HPS1: variants seen among roughly 807,000 people sequenced by gnomAD.
The protein encoded by HPS1 is HPS1 biogenesis of lysosomal organelles complex 3 subunit 1.
In HPS1, 59 loss-of-function variants were observed where a neutral mutation model predicts 90.6. The ratio of observed to expected loss-of-function variants is 0.65; its 90% CI spans 0.53 to 0.81. The LOEUF is 0.81. HPS1 is among the 30% of genes least tolerant of loss of function. The pLI, the probability that HPS1 is intolerant of heterozygous loss-of-function variation, is 0.00. For missense variants in HPS1, 849 were observed against 896.7 expected (o/e 0.95, Z 0.68); for synonymous variants, 388 against 384.4 (o/e 1.01, Z -0.11).
chr10:98,440,207 A>G (rs1938167856), intron 3 of HPS1, among the ~76,000 whole-genome samples: 2 of 152,242 alleles, frequency 1.3e-5, no homozygotes, highest in Non-Finnish European at 2.9e-5. Context: ...GAGCATACTC[A>G]TATATTACTT....
chr10:98,443,359 G>T, intron 2 of HPS1, 119 bp from the exon 3 acceptor site: 1 of 796,306 alleles, frequency 1.3e-6, no homozygotes, highest in East Asian at 2.4e-5. Context: ...CTGCACACCA[G>T]GCATCACAAG....
At chr10:98,438,786 A>C (rs1342323416) in intron 3 of HPS1, among the ~76,000 whole-genome samples, 1 of 152,228 alleles carries the variant, frequency 6.6e-6, no homozygotes, top group Non-Finnish European at 1.5e-5. Context: ...CCAAACGTTA[A>C]TCACCAAGAC....
In HPS1 at chr10:98,424,511, C is replaced by A. The variant is rs995966475; in HGVS notation, c.1336-137G>T. 2.8e-5 allele frequency: 21 copies of A among 743,034 alleles called. No homozygotes were observed. In the South Asian group the frequency reaches 3.1e-4, roughly 11 times the overall value. 46.0% of individuals were successfully genotyped at this position (743,034 alleles called of 1,614,324 possible). A position where few individuals can be genotyped will look rare whatever the true frequency, so the allele number is the denominator to read the frequency against. On this transcript the variant is annotated intron_variant, in intron 13 of 19. Coordinates refer to ENST00000361490, the MANE Select transcript of HPS1 (RefSeq NM_000195.5). Reference sequence around the variant, plus strand: ...CTGCCCTTCTGGCCAATGCAGGCTACCCTGGCAGGCCCCACCAGCCCCCTG... The same window carrying A: ...CTGCCCTTCTGGCCAATGCAGGCTAACCTGGCAGGCCCCACCAGCCCCCTG...
At chr10:98,424,252 C>T in intron 14 of HPS1, 61 bp downstream of exon 14, 3 of 1,241,230 alleles carry the variant, frequency 2.4e-6, no homozygotes, top group East Asian at 2.3e-5. Context: ...GAGATGTGGC[C>T]TCCCAGGGAA....
At chr10:98,421,601 A>C (rs555171916) in intron 17 of HPS1, among the ~76,000 whole-genome samples, 1 of 152,298 alleles carries the variant, frequency 6.6e-6, no homozygotes, top group East Asian at 1.9e-4. Context: ...AAACCAACAG[A>C]AAGAAACGTA....
At chr10:98,414,806 G>A (rs1843934532), downstream of HPS1, 2 of 679,690 alleles carry the variant, frequency 2.9e-6, no homozygotes, top group South Asian at 2.5e-5. Context: ...CCACACAGCA[G>A]AGCCAGCACC....
At position 98,430,701 on chromosome 10, in the gene HPS1, G is replaced by A. The variant is rs1479539716; in HGVS notation, c.669-31C>T. 9.2e-6 allele frequency: 14 copies of A among 1,527,966 alleles called. No individual in the cohort carries two copies. The East Asian group carries it at 3.4e-4, about 37-fold the overall frequency. The allele number at this position is 1,527,966 out of a possible 1,614,324, so 94.7% of individuals were successfully genotyped here. ...GACACAGGAGCATGGCCACCCATCA[G>A]CACATGCCCAGCAGGAGACGGGGCA... is the stretch of plus-strand genomic sequence containing the variant. On this transcript the variant is annotated intron_variant, in intron 7 of 19. Transcript: ENST00000361490.
chr10:98,427,375 T>C lies in HPS1; in HGVS notation c.938-111A>G, dbSNP rs74154468. On this transcript the variant is annotated intron_variant, in intron 10 of 19. Transcript: ENST00000361490. ...GCCCCCCACAACCTCAGCCCTTGGC[T>C]GCCAGCTCCACGCAGGGGTGCTAAT... 19,810 of 886,430 alleles carry C rather than the reference T, an allele frequency of 0.022. 842 individuals are homozygous for C. Among genetic ancestry groups the C allele is most frequent in the African/African-American group, 0.12 (7,209 of 60,188 alleles). 54.9% of individuals were successfully genotyped at this position (886,430 alleles called of 1,614,324 possible). A position where few individuals can be genotyped will look rare whatever the true frequency, so the allele number is the denominator to read the frequency against.
intron 1 of HPS1, 68 bp downstream of exon 1, chr10:98,446,739 C>G (rs1939670208): frequency 6.6e-6 from 1 of 152,460 alleles, no homozygotes; most frequent in Non-Finnish European, 1.5e-5. Context: ...AGCGACCGGC[C>G]CACGGCCACA....
chr10:98,443,356 C>T (rs1591162264), intron 2 of HPS1, 116 bp from the exon 3 acceptor site: 1 of 807,646 alleles, frequency 1.2e-6, no homozygotes, highest in East Asian at 2.4e-5. Context: ...CTTCTGCACA[C>T]CAGGCATCAC....
chr10:98,420,322 T>C (rs2136104875), intron 17 of HPS1, 164 bp from the exon 18 acceptor site: 2 of 664,014 alleles, frequency 3.0e-6, no homozygotes, highest in African/African-American at 1.8e-5. Context: ...GGCTCAACAA[T>C]AAATCATTAT....
In HPS1 at chr10:98,427,241, C is replaced by T. The variant is rs551074257; in HGVS notation, c.961G>A (p.Gly321Ser). 12 of 1,551,440 alleles carry T rather than the reference C, an allele frequency of 7.7e-6. No individual in the cohort carries two copies. Among genetic ancestry groups the T allele is most frequent in the Middle Eastern group, 3.3e-4 (2 of 5,988 alleles). Reference protein sequence around the residue: ...SSGSTIWLEGGTPPMDALQIA... With the variant: ...SSGSTIWLEGSTPPMDALQIA... ...TGAAGGGCATCCATGGGGGGGGTGC[C>T]CCCCTCCAGCCAGATGGTGCTACCT... The change falls in exon 11 of 20, where the codon GGC (glycine) becomes AGC (serine). Residue 321 changes from glycine (G) to serine (S), a missense_variant. By Grantham distance (56) the Gly-to-Ser change is moderately conservative. Coordinates refer to ENST00000361490, the MANE Select transcript of HPS1 (RefSeq NM_000195.5).
chr10:98,414,988 C>A (rs765609712), downstream of HPS1: 5 of 1,610,988 alleles, frequency 3.1e-6, no homozygotes, highest in South Asian at 5.5e-5. Context: ...AGCTCTGGCC[C>A]GGCCTGCTTT....
chr10:98,430,309 C>T (rs1389563560), intron 8 of HPS1, among the ~76,000 whole-genome samples: 2 of 152,174 alleles, frequency 1.3e-5, no homozygotes, highest in African/African-American at 4.8e-5. Flanking sequence ...ACGGGCTCAG[C>T]TCACACAGCC....
rs144533424 is a variant in HPS1, at chr10:98,422,388, G to C, written c.1724C>G (p.Ala575Gly). The C allele has an allele frequency of 1.2e-6, 2 of 1,613,242 alleles. No individual in the cohort carries two copies. Among genetic ancestry groups the C allele is most frequent in the Non-Finnish European group, 1.7e-6 (2 of 1,179,594 alleles). Residue 575 changes from alanine (A) to glycine (G), a missense_variant, in exon 17 of 20, where the codon GCT becomes GGT. Ala to Gly is a moderately conservative substitution (Grantham distance 60). Transcript: ENST00000361490. ...TSSELGKGPL[A>G]AFVKTKVWSL... Reference sequence around the variant, plus strand: ...GGTTACCTTAGTTTTGACAAAGGCAGCCAGCGGCCCCTTGCCCAACTCCGA... The same window carrying C: ...GGTTACCTTAGTTTTGACAAAGGCACCCAGCGGCCCCTTGCCCAACTCCGA...
intron 8 of HPS1, 25 bp downstream of exon 8, chr10:98,430,546 T>C: frequency 6.5e-7 from 1 of 1,541,166 alleles, no homozygotes; most frequent in Admixed American, 2.0e-5. Context: ...ATGGCCTCCC[T>C]CTGCCCAGAA....
chr10:98,420,732 A>T (rs78841317), intron 17 of HPS1, among the ~76,000 whole-genome samples: 112 of 147,640 alleles, frequency 7.6e-4, no homozygotes, highest in Admixed American at 3.7e-3. Context: ...TAATAATATT[A>T]AAAAAAAAAT....
chr10:98,424,387 C>T lies in HPS1; in HGVS notation c.1336-13G>A, dbSNP rs1845319447. ...CCAGCCAGGTGCTCTGGAAGGAAGA[C>T]AGGGGGCAGGTTTGCATCCCGACCA... On this transcript the variant is annotated splice_polypyrimidine_tract_variant and intron_variant, in intron 13 of 19. Transcript: ENST00000361490. 4 of 1,610,972 alleles carry T rather than the reference C, an allele frequency of 2.5e-6. No individual in the cohort carries two copies. The East Asian group carries it at 8.9e-5, about 36-fold the overall frequency.
chr10:98,434,979 A>G (rs1030195730), intron 5 of HPS1: 2 of 451,134 alleles, frequency 4.4e-6, no homozygotes, highest in Non-Finnish European at 8.2e-6. Context: ...GGGAGGATGG[A>G]AAGAGCACTG....
Sources: allele counts gnomAD v4.1 joint callset (sites outside exome capture counted in the v4.1 genomes callset), GRCh38; gene constraint gnomAD v4.1.1; transcripts MANE v1.5; gene names NCBI Gene and HGNC (gene_info 2026-07-23, HGNC 2026-07-21).